Variants in IRAK1BP1 observed in about 807,000 individuals in gnomAD.
IRAK1BP1 encodes interleukin-1 receptor-associated kinase 1-binding protein 1.
In IRAK1BP1, 24 loss-of-function variants were observed where a neutral mutation model predicts 28.0. The observed-to-expected ratio is 0.86, with a 90% CI of 0.62 to 1.20. The LOEUF (loss-of-function observed/expected upper bound fraction) is 1.20. IRAK1BP1 is among the 50% of genes most tolerant of loss of function. The probability of loss-of-function intolerance (pLI) is 0.00; values close to 1 mark genes in which losing one functional copy is unlikely to be tolerated. For missense variants in IRAK1BP1, 336 were observed against 316.7 expected, an observed-to-expected ratio of 1.06 and a Z score of -0.46; for synonymous variants, 131 against 116.3, an observed-to-expected ratio of 1.13 and a Z score of -0.81.
At chr6:78,967,018 C>A in the IRAK1BP1 span, among the ~76,000 whole-genome samples, 1 of 152,152 alleles carries the variant, frequency 6.6e-6, no homozygotes, top group Admixed American at 6.5e-5. Context: ...CACATTTTGA[C>A]ACACAGTTAA....
intron 4 of IRAK1BP1, among the ~76,000 whole-genome samples, chr6:78,915,987 A>T (rs1772549697): frequency 6.6e-6 from 1 of 152,200 alleles, no homozygotes. Flanking sequence ...AAAGCAAGGA[A>T]AGAATGAAGC....
intron 1 of IRAK1BP1, among the ~76,000 whole-genome samples, chr6:78,879,391 TA>T (rs1226326484): frequency 6.6e-6 from 1 of 152,130 alleles, no homozygotes; most frequent in Non-Finnish European, 1.5e-5. Context: ...TGGGCTAAAG[TA>T]AATAAGTATT....
chr6:78,953,140 A>G, the IRAK1BP1 span, among the ~76,000 whole-genome samples: 3 of 152,144 alleles, frequency 2.0e-5, no homozygotes, highest in Non-Finnish European at 4.4e-5. Context: ...TTCTAAGTCC[A>G]TGTATAGTGT....
At chr6:78,918,578 TAAAAAAAAAAAAA>T (rs58669467) in intron 4 of IRAK1BP1, among the ~76,000 whole-genome samples, 10 of 66,800 alleles carry the variant, frequency 1.5e-4, no homozygotes, top group African/African-American at 6.1e-4. Context: ...CCAAAAACAG[TAAAAAAAAAAAAA>T]AAAAAAAAAG....
chr6:78,954,787 A>G, the IRAK1BP1 span: 2 of 1,511,536 alleles, frequency 1.3e-6, no homozygotes, highest in Middle Eastern at 1.7e-4. Flanking sequence ...ACTGACAGGT[A>G]AAGAAAATAT....
At chr6:78,920,374 T>C (rs897603785) in intron 4 of IRAK1BP1, among the ~76,000 whole-genome samples, 1 of 152,160 alleles carries the variant, frequency 6.6e-6, no homozygotes, top group Admixed American at 6.5e-5. Context: ...TCACATTACC[T>C]GACTTCAAAC....
At chr6:78,888,445 T>C (rs1269463615) in intron 2 of IRAK1BP1, among the ~76,000 whole-genome samples, 3 of 152,210 alleles carry the variant, frequency 2.0e-5, no homozygotes, top group Non-Finnish European at 2.9e-5. Flanking sequence ...TGTATGCGTA[T>C]GTCCAAACTC....
At chr6:78,912,787 T>C (rs890584121) in intron 4 of IRAK1BP1, among the ~76,000 whole-genome samples, 2 of 152,206 alleles carry the variant, frequency 1.3e-5, no homozygotes, top group East Asian at 3.9e-4. Context: ...CAAATTATTA[T>C]CGTATGAAGA....
chr6:78,874,321 T>C (rs112670075), intron 1 of IRAK1BP1, among the ~76,000 whole-genome samples: 61 of 152,298 alleles, frequency 4.0e-4, no homozygotes, highest in African/African-American at 1.4e-3. Flanking sequence ...CTATTACGGC[T>C]TACCCTGAAT....
In IRAK1BP1 at chr6:78,902,930, TCTA is replaced by T; in HGVS notation, c.*4600_*4602del. On this transcript the variant is annotated 3_prime_UTR_variant, in exon 4 of 4. Coordinates refer to ENST00000369940, the MANE Select transcript of IRAK1BP1 (RefSeq NM_001010844.4). Reference sequence around the variant, plus strand: ...AGAAATCTTTCAAGAAGGATTGTTTTCTACTATTAAAACAATAAAACTCTTATA... The same window carrying T: ...AGAAATCTTTCAAGAAGGATTGTTTTCTATTAAAACAATAAAACTCTTATA... 2.4e-6 allele frequency: 2 copies of T among 832,664 alleles called. No individual in the cohort carries two copies. The highest frequency in any genetic ancestry group is 3.8e-6 in the Non-Finnish European group (2 of 527,656). The allele number at this position is 832,664 out of a possible 1,614,324, so 51.6% of individuals were successfully genotyped here.
At chr6:78,975,364 G>T in the IRAK1BP1 span, among the ~76,000 whole-genome samples, 16,138 of 152,078 alleles carry the variant, frequency 0.11, 885 homozygotes, top group Middle Eastern at 0.19. Context: ...GGTATTGATG[G>T]GACATATTTC....
chr6:78,913,612 T>C (rs986053191), intron 4 of IRAK1BP1, among the ~76,000 whole-genome samples: 1 of 152,146 alleles, frequency 6.6e-6, no homozygotes, highest in Non-Finnish European at 1.5e-5. Flanking sequence ...CACACTGTAC[T>C]CCAGCCTAGG....
chr6:78,953,541 G>T, the IRAK1BP1 span, among the ~76,000 whole-genome samples: 3 of 152,168 alleles, frequency 2.0e-5, no homozygotes, highest in African/African-American at 2.4e-5. Flanking sequence ...GAACATTATA[G>T]CATCAGCTCA....
At chr6:78,891,143 G>T (rs1582013358) in intron 2 of IRAK1BP1, among the ~76,000 whole-genome samples, 1 of 152,236 alleles carries the variant, frequency 6.6e-6, no homozygotes, top group East Asian at 1.9e-4. Flanking sequence ...TTGTCAGAGG[G>T]TTTGAAGGAC....
rs190058328 is a variant in IRAK1BP1 at position 78,917,083 on chromosome 6, A to G, written c.*67+13973A>G. ...AGCAATGGTTCCTAAACAAAATGGA[A>G]ACTCAGAAATAACAGATCAAGATTT... is the stretch of plus-strand genomic sequence containing the variant. On this transcript the variant is annotated intron_variant and NMD_transcript_variant, in intron 4 of 4. Coordinates refer to the IRAK1BP1 transcript ENST00000606868. Among the ~76,000 whole-genome samples, 96 of 152,294 alleles carry G rather than the reference A, an allele frequency of 6.3e-4. 1 individual carries two copies. In the South Asian group the frequency reaches 7.9e-3, roughly 13 times the overall value.
At chr6:78,885,254 G>A in intron 1 of IRAK1BP1, 124 bp from the exon 2 acceptor site, 2 of 572,910 alleles carry the variant, frequency 3.5e-6, no homozygotes, top group Non-Finnish European at 6.3e-6. Flanking sequence ...TAAAACATCA[G>A]GCAAAGTTCT....
At position 78,868,282 on chromosome 6, in the gene IRAK1BP1, C is replaced by T. The variant is rs1307439567; in HGVS notation, c.315+391C>T. ...TATTTTGTTTTGTTTTGTTTTTATT[C>T]CGCACCATGGAATTGGCAAGTGAAG... On this transcript the variant is annotated intron_variant, in intron 1 of 3. Coordinates refer to ENST00000369940, the MANE Select transcript of IRAK1BP1 (RefSeq NM_001010844.4). Among the ~76,000 whole-genome samples, 46 of 152,130 alleles carry T rather than the reference C, an allele frequency of 3.0e-4. 1 individual carries two copies.
intron 4 of IRAK1BP1, among the ~76,000 whole-genome samples, chr6:78,925,275 C>G (rs1248961242): frequency 6.6e-6 from 1 of 151,948 alleles, no homozygotes; most frequent in Non-Finnish European, 1.5e-5. Context: ...ACATATGTAA[C>G]AAACCTGCAC....
At chr6:78,970,006 C>T in the IRAK1BP1 span, 5 of 1,606,074 alleles carry the variant, frequency 3.1e-6, no homozygotes, top group Non-Finnish European at 4.3e-6. Flanking sequence ...GAAAAACAAT[C>T]TACAATACTA....
Sources: allele counts gnomAD v4.1 joint callset (sites outside exome capture counted in the v4.1 genomes callset), GRCh38; gene constraint gnomAD v4.1.1; transcripts MANE v1.5; gene names NCBI Gene and HGNC (gene_info 2026-07-23, HGNC 2026-07-21).